The following LDLRAD4 variants were observed in gnomAD, a reference collection of about 807,000 sequenced individuals.
The protein encoded by LDLRAD4 is low density lipoprotein receptor class A domain containing 4.
In LDLRAD4, 5 loss-of-function variants were observed where a neutral mutation model predicts 17.0. The ratio of observed to expected loss-of-function variants is 0.29; its 90% CI spans 0.15 to 0.62. The LOEUF is 0.62. Ranked by LOEUF, LDLRAD4 falls within the 20% of genes least tolerant of loss-of-function variation. The pLI, the probability that LDLRAD4 is intolerant of heterozygous loss-of-function variation, is 0.84. For synonymous variants in LDLRAD4, 168 were observed against 171.8 expected, an observed-to-expected ratio of 0.98 and a Z score of 0.17; for missense variants, 340 against 424.7, an observed-to-expected ratio of 0.80 and a Z score of 1.75.
At chr18:13,632,316 G>A (rs1205724425) in intron 4 of LDLRAD4, among the ~76,000 whole-genome samples, 1 of 152,218 alleles carries the variant, frequency 6.6e-6, no homozygotes, top group African/African-American at 2.4e-5. Flanking sequence ...ACCTGCCAAG[G>A]GCAAGCCAGG....
intron 3 of LDLRAD4, among the ~76,000 whole-genome samples, chr18:13,592,996 G>A (rs1336531310): frequency 6.6e-6 from 1 of 152,166 alleles, no homozygotes; most frequent in African/African-American, 2.4e-5. Flanking sequence ...AAATAATATT[G>A]TTTTATATTT....
At chr18:13,339,579 A>G (rs1005327003) in intron 1 of LDLRAD4, among the ~76,000 whole-genome samples, 3 of 152,180 alleles carry the variant, frequency 2.0e-5, no homozygotes, top group Non-Finnish European at 4.4e-5. Context: ...AGAACTTTAT[A>G]TAGCCAGAAA....
intron 1 of LDLRAD4, among the ~76,000 whole-genome samples, chr18:13,226,330 T>A (rs1598755349): frequency 6.6e-6 from 1 of 151,976 alleles, no homozygotes; most frequent in Middle Eastern, 3.4e-3. Flanking sequence ...CTGAACATTT[T>A]TTAAAACATT....
chr18:13,604,356 A>C (rs578253156), intron 3 of LDLRAD4, among the ~76,000 whole-genome samples: 19 of 152,352 alleles, frequency 1.2e-4, no homozygotes, highest in African/African-American at 3.8e-4. Context: ...CTATGGGAAT[A>C]ACGGCCCCAG....
At chr18:13,396,526 C>T (rs1182482262) in intron 2 of LDLRAD4, among the ~76,000 whole-genome samples, 5 of 152,318 alleles carry the variant, frequency 3.3e-5, no homozygotes, top group African/African-American at 9.6e-5. Context: ...CTGTGTCACC[C>T]AGGCTGGAAT....
In LDLRAD4 at chr18:13,417,347, C is replaced by T. The variant is rs115928251; in HGVS notation, c.41-20897C>T. On this transcript the variant is annotated intron_variant, in intron 2 of 5. Transcript: ENST00000359446. ...TGCGAAAGTTAGGTCTTAAGGAAAA[C>T]CACGTGATTTGTTTCACTTTGGTGC... Among the ~76,000 whole-genome samples, 720 of 152,260 alleles carry T rather than the reference C, an allele frequency of 4.7e-3. 4 individuals carry two copies. Among genetic ancestry groups the T allele is most frequent in the African/African-American group, 0.016 (678 of 41,538 alleles).
chr18:13,337,033 T>G lies in LDLRAD4; in HGVS notation c.-382-50308T>G, dbSNP rs576570108. On this transcript the variant is annotated intron_variant, in intron 1 of 5. Transcript: ENST00000359446. ...TCCAAGACCAGCTTTATTCAAGAGA[T>G]ACTGTGATATGGAGAAGCTTCCAGG... 4.6e-5 allele frequency among the ~76,000 whole-genome samples: 7 copies of G among 152,276 alleles called. No individual in the cohort carries two copies. In the East Asian group the frequency reaches 9.7e-4, roughly 21 times the overall value.
chr18:13,483,441 C>G (rs949142444), intron 3 of LDLRAD4, among the ~76,000 whole-genome samples: 1 of 152,188 alleles, frequency 6.6e-6, no homozygotes, highest in Non-Finnish European at 1.5e-5. Context: ...CCCCTGGACC[C>G]GGGGGTCATG....
intron 1 of LDLRAD4, among the ~76,000 whole-genome samples, chr18:13,319,973 A>G (rs2081131608): frequency 6.6e-6 from 1 of 152,256 alleles, no homozygotes; most frequent in Non-Finnish European, 1.5e-5. Flanking sequence ...GGAAGAAAGG[A>G]TGAAAAACCA....
chr18:13,396,551 G>A (rs1319236392), intron 2 of LDLRAD4, among the ~76,000 whole-genome samples: 1 of 152,130 alleles, frequency 6.6e-6, no homozygotes, highest in Non-Finnish European at 1.5e-5. Context: ...TGGCGCCATC[G>A]TAGCTCACTG....
chr18:13,415,697 AC>A (rs2088825448), intron 2 of LDLRAD4, among the ~76,000 whole-genome samples: 1 of 152,032 alleles, frequency 6.6e-6, no homozygotes, highest in Non-Finnish European at 1.5e-5. Flanking sequence ...TCCCTTGCAA[AC>A]CCTTGCAGTC....
chr18:13,401,690 A>G (rs1254189969), intron 2 of LDLRAD4, among the ~76,000 whole-genome samples: 2 of 152,194 alleles, frequency 1.3e-5, no homozygotes, highest in Non-Finnish European at 2.9e-5. Context: ...TTTGTCCCCC[A>G]GATGCAGGCT....
chr18:13,341,448 G>A (rs1477346968), intron 1 of LDLRAD4, among the ~76,000 whole-genome samples: 1 of 151,632 alleles, frequency 6.6e-6, no homozygotes, highest in Admixed American at 6.6e-5. Context: ...TTCCTTCCTT[G>A]GTTAAGCTTA....
chr18:13,637,632 G>A (rs998446415), intron 4 of LDLRAD4, among the ~76,000 whole-genome samples: 2 of 152,066 alleles, frequency 1.3e-5, no homozygotes, highest in Non-Finnish European at 1.5e-5. Context: ...TTGGGAGGCC[G>A]AGGCGGGTGG....
chr18:13,391,902 A>G (rs932318822), intron 2 of LDLRAD4, among the ~76,000 whole-genome samples: 2 of 152,202 alleles, frequency 1.3e-5, no homozygotes, highest in African/African-American at 4.8e-5. Context: ...TTTCATGTAC[A>G]TGTACTTGAA....
intron 3 of LDLRAD4, chr18:13,613,684 A>C (rs1347222936): frequency 1.3e-5 from 2 of 152,188 alleles, no homozygotes; most frequent in Non-Finnish European, 2.9e-5. Context: ...GGCTTTCATA[A>C]AGTGAGGAGA....
chr18:13,262,094 C>CTG (rs60178302), intron 1 of LDLRAD4, among the ~76,000 whole-genome samples: 262 of 109,074 alleles, frequency 2.4e-3, no homozygotes, highest in Middle Eastern at 5.5e-3. Context: ...CCGTGTGGCT[C>CTG]TGTGTGTGGA....
intron 3 of LDLRAD4, among the ~76,000 whole-genome samples, chr18:13,496,807 A>G (rs371260394): frequency 3.3e-5 from 5 of 152,262 alleles, no homozygotes; most frequent in East Asian, 3.9e-4. Context: ...CAGAATTAAA[A>G]CCACATAGTA....
intron 3 of LDLRAD4, chr18:13,565,184 G>A (rs972130545): frequency 5.9e-5 from 9 of 152,238 alleles, no homozygotes; most frequent in African/African-American, 1.9e-4. Context: ...ATCCTCAGAG[G>A]GGTTTTGTAA....
Sources: gnomAD v4.1 joint callset for allele counts (sites outside exome capture counted in the v4.1 genomes callset) on GRCh38, gnomAD v4.1.1 for gene constraint, MANE v1.5 for transcripts, NCBI Gene and HGNC (gene_info 2026-07-23, HGNC 2026-07-21) for gene names.